The following PCDH15 variants were observed in gnomAD, a reference collection of about 807,000 sequenced individuals.
PCDH15 encodes the protein protocadherin related 15.
Under a neutral mutation model 178.5 loss-of-function variants are expected in PCDH15, and 129 were observed. The observed-to-expected ratio is 0.72, with a 90% CI of 0.63 to 0.84. The LOEUF is 0.84. Ranked by LOEUF, PCDH15 falls within the 40% of genes least tolerant of loss-of-function variation. PCDH15 has a pLI of 0.00. For missense variants in PCDH15, 2,230 were observed against 2,099.9 expected (o/e 1.06, Z -1.21); for synonymous variants, 800 against 732.0 (o/e 1.09, Z -1.50).
intron 3 of PCDH15, among the ~76,000 whole-genome samples, chr10:54,392,865 C>T (rs1950726243): frequency 6.8e-6 from 1 of 147,444 alleles, no homozygotes; most frequent in Non-Finnish European, 1.5e-5. Context: ...TGCCACTGAA[C>T]TCCAGTCTGG....
At chr10:54,050,123 T>C (rs2093736739) in intron 18 of PCDH15, among the ~76,000 whole-genome samples, 4 of 152,172 alleles carry the variant, frequency 2.6e-5, no homozygotes. Context: ...TGGAATAGTT[T>C]CAGTAGGACT....
Position 53,882,252 on chromosome 10 carries a change from A to G in PCDH15, c.3502-15395T>C, listed in dbSNP as rs189600222. Among the ~76,000 whole-genome samples, 94 of 149,220 alleles carry G rather than the reference A, an allele frequency of 6.3e-4. No homozygotes were observed. In the Middle Eastern group the frequency reaches 0.014, roughly 22 times the overall value. ...CATATGTTTCTCATTCACTTGATAC[A>G]CTGTTTCCTTTCAACCCCCACATCC... On this transcript the variant is annotated intron_variant, in intron 26 of 37. Coordinates refer to ENST00000644397, the MANE Select transcript of PCDH15 (RefSeq NM_001384140.1).
intron 3 of PCDH15, among the ~76,000 whole-genome samples, chr10:54,380,657 A>ATATATATG (rs1949073348): frequency 2.6e-5 from 2 of 76,850 alleles, no homozygotes; most frequent in Non-Finnish European, 5.3e-5. Flanking sequence ...ATATATATAT[A>ATATATATG]TATATATATA....
At chr10:54,085,904 C>A (rs550598384) in intron 16 of PCDH15, among the ~76,000 whole-genome samples, 34 of 151,932 alleles carry the variant, frequency 2.2e-4, no homozygotes, top group Non-Finnish European at 4.1e-4. Flanking sequence ...TGCATTATAG[C>A]ATAAAATAAT....
At chr10:55,031,097 G>A (rs1051301786) in intron 2 of PCDH15, among the ~76,000 whole-genome samples, 1 of 151,996 alleles carries the variant, frequency 6.6e-6, no homozygotes, top group Non-Finnish European at 1.5e-5. Context: ...GACACTGTAA[G>A]ATTTGTTTAT....
chr10:54,118,962 T>A (rs1466148858), intron 15 of PCDH15, among the ~76,000 whole-genome samples: 1 of 151,948 alleles, frequency 6.6e-6, no homozygotes, highest in Non-Finnish European at 1.5e-5. Context: ...CACGATGGTG[T>A]CCAGTTGATA....
intron 2 of PCDH15, among the ~76,000 whole-genome samples, chr10:54,921,638 C>G (rs80287034): frequency 0.072 from 11,026 of 152,094 alleles, 495 homozygotes; most frequent in Non-Finnish European, 0.098. Context: ...CTAGCTCCAT[C>G]CATGTTCTGA....
intron 2 of PCDH15, among the ~76,000 whole-genome samples, chr10:54,602,194 C>G (rs1262617331): frequency 6.6e-6 from 1 of 151,698 alleles, no homozygotes; most frequent in Non-Finnish European, 1.5e-5. Context: ...TTTATTAATA[C>G]TTTATAATTT....
intron 2 of PCDH15, among the ~76,000 whole-genome samples, chr10:55,078,179 C>T (rs970270710): frequency 6.6e-6 from 1 of 152,062 alleles, no homozygotes. Flanking sequence ...GTTGAGAAGT[C>T]CACTATTAGT....
chr10:55,274,088 C>T (rs1486154240), intron 1 of PCDH15, among the ~76,000 whole-genome samples: 2 of 152,088 alleles, frequency 1.3e-5, no homozygotes, highest in Admixed American at 6.6e-5. Flanking sequence ...TCAGAAAACT[C>T]CCAAGAACAT....
At chr10:53,821,433 A>T in intron 32 of PCDH15, 2 of 1,007,720 alleles carry the variant, frequency 2.0e-6, no homozygotes, top group Non-Finnish European at 2.4e-6. Context: ...TATCAATCAT[A>T]TCAGTTTTAA....
intron 2 of PCDH15, among the ~76,000 whole-genome samples, chr10:55,443,239 C>A (rs983036535): frequency 1.3e-5 from 2 of 152,124 alleles, no homozygotes; most frequent in Non-Finnish European, 2.9e-5. Flanking sequence ...GCAAAGACTT[C>A]ATGACTAAAG....
intron 2 of PCDH15, among the ~76,000 whole-genome samples, chr10:54,936,576 A>G (rs373656368): frequency 5.3e-5 from 8 of 152,108 alleles, no homozygotes; most frequent in Admixed American, 2.0e-4. Flanking sequence ...CCATCACCCT[A>G]ATGAATGCAA....
chr10:54,231,628 C>A (rs1347180197), intron 9 of PCDH15, among the ~76,000 whole-genome samples: 3 of 152,318 alleles, frequency 2.0e-5, no homozygotes, highest in Admixed American at 6.5e-5. Flanking sequence ...GCACAAGCAC[C>A]AAACACCAGC....
intron 3 of PCDH15, among the ~76,000 whole-genome samples, chr10:54,383,619 ATGTGTGTTTT>A (rs1439184684): frequency 0.02 from 483 of 23,818 alleles, 2 homozygotes; most frequent in East Asian, 0.09. Flanking sequence ...CATGCCGTGT[ATGTGTGTTTT>A]TGTGTGTGTG....
At chr10:55,300,489 GT>G (rs1182028997) in intron 1 of PCDH15, among the ~76,000 whole-genome samples, 1 of 152,068 alleles carries the variant, frequency 6.6e-6, no homozygotes, top group Non-Finnish European at 1.5e-5. Flanking sequence ...CTCTCTACAT[GT>G]CACAATGTCA....
At chr10:54,697,515 G>GTATATATATATATATATA (rs141387823) in intron 1 of PCDH15, among the ~76,000 whole-genome samples, 5 of 143,106 alleles carry the variant, frequency 3.5e-5, no homozygotes, top group African/African-American at 1.3e-4. Flanking sequence ...TGAAATGTGT[G>GTATATATATATATATATA]TATATATATA....
chr10:54,361,496 T>C (rs1946042485), intron 5 of PCDH15, among the ~76,000 whole-genome samples: 1 of 152,076 alleles, frequency 6.6e-6, no homozygotes, highest in South Asian at 2.1e-4. Flanking sequence ...GGTCTCATGT[T>C]ACATTCTCTG....
intron 8 of PCDH15, among the ~76,000 whole-genome samples, chr10:54,268,622 T>A (rs1004865745): frequency 6.6e-6 from 1 of 151,922 alleles, no homozygotes; most frequent in African/African-American, 2.4e-5. Flanking sequence ...AACATGGATG[T>A]GCCTGGATGC....
Sources: gnomAD v4.1 joint callset for allele counts (sites outside exome capture counted in the v4.1 genomes callset) on GRCh38, gnomAD v4.1.1 for gene constraint, MANE v1.5 for transcripts, NCBI Gene and HGNC (gene_info 2026-07-23, HGNC 2026-07-21) for gene names.